ETV6: variants seen among roughly 807,000 people sequenced by gnomAD.
The protein encoded by ETV6 is ETS variant transcription factor 6, also known as transcription factor ETV6.
ETV6 carries 16 observed loss-of-function variants against 51.1 expected under a neutral mutation model. That is an observed-to-expected ratio of 0.31 (90% CI 0.21 to 0.48). The LOEUF is 0.48. Ranked by LOEUF, ETV6 falls within the 20% of genes least tolerant of loss-of-function variation. The pLI, the probability that ETV6 is intolerant of heterozygous loss-of-function variation, is 0.99. For synonymous variants in ETV6, 240 were observed against 224.1 expected, an observed-to-expected ratio of 1.07 and a Z score of -0.64; for missense variants, 458 against 594.8, an observed-to-expected ratio of 0.77 and a Z score of 2.39.
chr12:11,752,362 C>T, intron 1 of ETV6, 88 bp from the exon 2 acceptor site: 1 of 1,466,030 alleles, frequency 6.8e-7, no homozygotes, highest in Non-Finnish European at 9.3e-7. Context: ...CTCCCTTTTG[C>T]TCCCCACCCC....
rs1156704578 is a variant in ETV6, at chr12:11,650,117, C to T, written c.-11C>T. 1 of 1,613,364 alleles carries T rather than the reference C, an allele frequency of 6.2e-7. No individual in the cohort carries two copies. Among genetic ancestry groups the T allele is most frequent in the Non-Finnish European group, 8.5e-7 (1 of 1,179,426 alleles). On this transcript the variant is annotated 5_prime_UTR_variant, in exon 1 of 8. Coordinates refer to ENST00000396373, the MANE Select transcript of ETV6 (RefSeq NM_001987.5). The stretch of plus-strand genomic sequence containing the variant: ...AACCTGAGAACTTCCTGATCTCTCT[C>T]GCTGTGAGACATGTCTGAGACTCCT...
chr12:11,651,369 G>C (rs1419116867), intron 1 of ETV6, among the ~76,000 whole-genome samples: 1 of 152,206 alleles, frequency 6.6e-6, no homozygotes, highest in Non-Finnish European at 1.5e-5. Context: ...AAACGCAGTA[G>C]TTCATCATAC....
At chr12:11,665,292 C>A (rs1864173809) in intron 1 of ETV6, among the ~76,000 whole-genome samples, 1 of 152,244 alleles carries the variant, frequency 6.6e-6, no homozygotes, top group Non-Finnish European at 1.5e-5. Context: ...AGCCACTATG[C>A]CCATCCCATG....
intron 1 of ETV6, among the ~76,000 whole-genome samples, chr12:11,702,500 A>G (rs1307460060): frequency 2.0e-5 from 3 of 152,208 alleles, no homozygotes; most frequent in Admixed American, 1.3e-4. Flanking sequence ...TGCATGTAAT[A>G]TACAATAGCT....
At chr12:11,888,398 C>CTTTTCTTTTCTTT (rs753710183) in intron 7 of ETV6, among the ~76,000 whole-genome samples, 11,035 of 80,092 alleles carry the variant, frequency 0.14, 584 homozygotes, top group Middle Eastern at 0.18. Context: ...CTTTTCTTTT[C>CTTTTCTTTTCTTT]TTTTTTTTTT....
At chr12:11,840,433 G>T (rs757570528) in intron 3 of ETV6, 1 of 456,080 alleles carries the variant, frequency 2.2e-6, no homozygotes, top group South Asian at 1.5e-5. Context: ...AGTACTCAAG[G>T]CCCTCCTTTT....
At chr12:11,721,505 TTATAAG>T (rs1865385823) in intron 1 of ETV6, among the ~76,000 whole-genome samples, 2 of 152,196 alleles carry the variant, frequency 1.3e-5, no homozygotes, top group African/African-American at 2.4e-5. Context: ...ATGTTCTCAC[TTATAAG>T]TAGGAGCTAT....
intron 1 of ETV6, among the ~76,000 whole-genome samples, chr12:11,692,720 A>G (rs892747906): frequency 2.0e-5 from 3 of 152,214 alleles, no homozygotes; most frequent in Non-Finnish European, 4.4e-5. Flanking sequence ...AGAACTTGCT[A>G]TCTAGCTGGG....
chr12:11,661,002 C>T (rs1011041680), intron 1 of ETV6, among the ~76,000 whole-genome samples: 1 of 152,160 alleles, frequency 6.6e-6, no homozygotes, highest in African/African-American at 2.4e-5. Flanking sequence ...TTGCTGTATC[C>T]TCTTTTCTTT....
At chr12:11,756,831 G>T (rs11831515) in intron 2 of ETV6, among the ~76,000 whole-genome samples, 3,207 of 152,296 alleles carry the variant, frequency 0.021, 115 homozygotes, top group African/African-American at 0.072. Context: ...TGATGCTCAG[G>T]CCCCGCCTTA....
chr12:11,887,047 T>C (rs982701444), intron 7 of ETV6, among the ~76,000 whole-genome samples: 1 of 152,076 alleles, frequency 6.6e-6, no homozygotes, highest in Middle Eastern at 3.2e-3. Flanking sequence ...ATCTGGTCTT[T>C]AGCATTGGGA....
intron 1 of ETV6, among the ~76,000 whole-genome samples, chr12:11,650,640 ACT>A (rs1327875536): frequency 6.6e-6 from 1 of 151,340 alleles, no homozygotes; most frequent in Non-Finnish European, 1.5e-5. Flanking sequence ...TTTTTAAAGG[ACT>A]CTCTGGGTCT....
intron 1 of ETV6, among the ~76,000 whole-genome samples, chr12:11,671,408 G>C (rs1216794644): frequency 3.9e-5 from 6 of 152,156 alleles, no homozygotes; most frequent in African/African-American, 1.4e-4. Flanking sequence ...AATGAGATGT[G>C]ATGTTCAGTA....
intron 2 of ETV6, among the ~76,000 whole-genome samples, chr12:11,830,541 G>C (rs1053726884): frequency 9.2e-5 from 14 of 152,232 alleles, no homozygotes; most frequent in African/African-American, 3.1e-4. Context: ...ACTGCACAGA[G>C]CTGAGTGTCC....
intron 5 of ETV6, among the ~76,000 whole-genome samples, chr12:11,871,497 T>G (rs1052880259): frequency 3.3e-5 from 5 of 152,154 alleles, no homozygotes; most frequent in African/African-American, 1.2e-4. Context: ...GCCGGTACTG[T>G]CCCTTTTTTA....
In ETV6 at chr12:11,650,048, C is replaced by G. The variant is rs1863860491; in HGVS notation, c.-80C>G. The G allele has an allele frequency of 7.8e-7, 1 of 1,285,728 alleles. No individual in the cohort carries two copies. Among genetic ancestry groups the G allele is most frequent in the Non-Finnish European group, 1.1e-6 (1 of 882,376 alleles). 79.6% of individuals were successfully genotyped at this position (1,285,728 alleles called of 1,614,324 possible). Reference sequence around the variant, plus strand: ...TCTTAAATGACCGCGTCTGGCTGGCCGTGGAGCCTTTCTGGGTTGGGGAGA... The same window carrying G: ...TCTTAAATGACCGCGTCTGGCTGGCGGTGGAGCCTTTCTGGGTTGGGGAGA... On this transcript the variant is annotated 5_prime_UTR_variant, in exon 1 of 8. Transcript: ENST00000396373.
intron 7 of ETV6, among the ~76,000 whole-genome samples, chr12:11,886,559 ATGT>A (rs1947189207): frequency 6.6e-6 from 1 of 152,188 alleles, no homozygotes; most frequent in Non-Finnish European, 1.5e-5. Context: ...ATTCATGAAA[ATGT>A]TGTTCCAGGT....
chr12:11,885,693 C>A (rs1947172856), intron 6 of ETV6, among the ~76,000 whole-genome samples: 1 of 152,104 alleles, frequency 6.6e-6, no homozygotes, highest in African/African-American at 2.4e-5. Context: ...GGACTTCGGA[C>A]AAAGGGTGAT....
chr12:11,700,124 C>T (rs1864950911), intron 1 of ETV6, among the ~76,000 whole-genome samples: 1 of 152,176 alleles, frequency 6.6e-6, no homozygotes, highest in South Asian at 2.1e-4. Context: ...GAGGTACACA[C>T]TGTGTATTGA....
Sources: allele counts gnomAD v4.1 joint callset (sites outside exome capture counted in the v4.1 genomes callset), GRCh38; gene constraint gnomAD v4.1.1; transcripts MANE v1.5; gene names NCBI Gene and HGNC (gene_info 2026-07-23, HGNC 2026-07-21).